CHD5: variants seen among roughly 807,000 people sequenced by gnomAD.
CHD5 encodes the protein chromodomain helicase DNA binding protein 5.
In CHD5, 69 loss-of-function variants were observed where a neutral mutation model predicts 230.3. That is an observed-to-expected ratio of 0.30 (90% confidence interval 0.25 to 0.37). CHD5 has a LOEUF of 0.37. Ranked by LOEUF, CHD5 falls within the 10% of genes least tolerant of loss-of-function variation. The pLI is 1.00. For synonymous variants in CHD5, 1,064 were observed against 1,065.9 expected, an observed-to-expected ratio of 1.00 and a Z score of 0.03; for missense variants, 1,827 against 2,622.8, an observed-to-expected ratio of 0.70 and a Z score of 6.63.
intron 17 of CHD5, among the ~76,000 whole-genome samples, chr1:6,136,287 T>C (rs961586534): frequency 2.6e-5 from 4 of 152,146 alleles, no homozygotes; most frequent in African/African-American, 9.7e-5. Flanking sequence ...GGAAAAGTCG[T>C]GGTATTAGCA....
rs1304929188 is a variant in CHD5, at chr1:6,104,650, T to C, written c.*824A>G. 2 of 120,866 alleles carry C rather than the reference T, an allele frequency of 1.7e-5. No individual in the cohort carries two copies. The highest frequency in any genetic ancestry group is 6.3e-5 in the African/African-American group (2 of 31,748). 7.5% of individuals were successfully genotyped at this position (120,866 alleles called of 1,614,324 possible). On this transcript the variant is annotated 3_prime_UTR_variant, in exon 42 of 42. Coordinates refer to ENST00000262450, the MANE Select transcript of CHD5 (RefSeq NM_015557.3). The stretch of plus-strand genomic sequence containing the variant: ...CCCCAGCCCACCCTCCCTGGGATCA[T>C]ACGCTTCTGCCTGCTGTGAAGAGCC...
chr1:6,133,407 G>C (rs576123330), intron 20 of CHD5, among the ~76,000 whole-genome samples: 1 of 152,226 alleles, frequency 6.6e-6, no homozygotes, highest in African/African-American at 2.4e-5. Flanking sequence ...TGCAGGCGGC[G>C]GACGCTGCTT....
chr1:6,170,149 G>A (rs1161999033), intron 1 of CHD5, among the ~76,000 whole-genome samples: 1 of 152,070 alleles, frequency 6.6e-6, no homozygotes, highest in Non-Finnish European at 1.5e-5. Flanking sequence ...CAGGCAGTCT[G>A]GTGACCCTGG....
intron 1 of CHD5, among the ~76,000 whole-genome samples, chr1:6,170,028 G>T (rs1037234323): frequency 6.6e-6 from 1 of 152,144 alleles, no homozygotes; most frequent in Admixed American, 6.5e-5. Flanking sequence ...ACCCAGGAAG[G>T]GGGCAGAGTG....
Position 6,131,323 on chromosome 1 carries a change from A to C in CHD5, c.3262+308T>G, listed in dbSNP as rs940598487. Among the ~76,000 whole-genome samples the C allele has an allele frequency of 2.0e-5, 3 of 151,974 alleles. No individual in the cohort carries two copies. Among genetic ancestry groups the C allele is most frequent in the African/African-American group, 7.2e-5 (3 of 41,382 alleles). On this transcript the variant is annotated intron_variant, in intron 21 of 41. Coordinates refer to ENST00000262450, the MANE Select transcript of CHD5 (RefSeq NM_015557.3). This position sits in a 1 kb window ranked among gnomAD's most constrained non-coding sequence, Gnocchi z 5.0. Reference sequence around the variant, plus strand: ...ATCTCTGTACCTTCTGCCACCATTCACCATACGGCAGGCTCTGTCCAACAC... The same window carrying C: ...ATCTCTGTACCTTCTGCCACCATTCCCCATACGGCAGGCTCTGTCCAACAC...
chr1:6,114,958 G>C (rs1666351848), intron 33 of CHD5, among the ~76,000 whole-genome samples: 1 of 151,454 alleles, frequency 6.6e-6, no homozygotes, highest in Non-Finnish European at 1.5e-5. Context: ...AGGCTACAGT[G>C]AGCCGAGATT....
Position 6,109,864 on chromosome 1 carries a change from C to T in CHD5, c.5509G>A (p.Glu1837Lys). 1 of 1,612,774 alleles carries T rather than the reference C, an allele frequency of 6.2e-7. No individual in the cohort carries two copies. ...TCCTTGGACAGGTGCTGGTGGCTCT[C>T]GGCGAGGCACTCCACTTCAGCCAGG... The part of the protein sequence containing the change: ...ARLAEVECLA[E>K]SHQHLSKESL... The change falls in exon 38 of 42, where the codon GAG (glutamate) becomes AAG (lysine). Residue 1837 changes from glutamate to lysine, a missense_variant. This residue lies in a region of CHD5 where 208 missense variants were observed against 302.0 expected (regional missense o/e 0.69). Coordinates refer to ENST00000262450, the MANE Select transcript of CHD5 (RefSeq NM_015557.3).
chr1:6,130,427 C>G lies in CHD5; in HGVS notation c.3263-99G>C. ...GAACAGAGAGAAGGAACTGCAGCAACAGATCCCTGGCAGAGAAGGACAAAG... is the reference window on the plus strand; with the variant it reads ...GAACAGAGAGAAGGAACTGCAGCAAGAGATCCCTGGCAGAGAAGGACAAAG... On this transcript the variant is annotated intron_variant, in intron 21 of 41. Transcript: ENST00000262450. This position sits in a 1 kb window ranked among gnomAD's most constrained non-coding sequence, Gnocchi z 4.9. 9.0e-7 allele frequency: 1 copy of G among 1,114,768 alleles called. No homozygotes were observed. Among genetic ancestry groups the G allele is most frequent in the South Asian group, 1.4e-5 (1 of 70,350 alleles). The allele number at this position is 1,114,768 out of a possible 1,614,324, so 69.1% of individuals were successfully genotyped here. A position where few individuals can be genotyped will look rare whatever the true frequency, so the allele number is the denominator to read the frequency against.
intron 38 of CHD5, among the ~76,000 whole-genome samples, chr1:6,108,402 G>C (rs1179818890): frequency 6.7e-6 from 1 of 148,534 alleles, no homozygotes; most frequent in Non-Finnish European, 1.5e-5. Context: ...AGGGATGGAC[G>C]GGTAGAGAGA....
intron 1 of CHD5, among the ~76,000 whole-genome samples, chr1:6,173,921 A>G (rs959339774): frequency 6.6e-6 from 1 of 152,192 alleles, no homozygotes; most frequent in Admixed American, 6.5e-5. Context: ...ACATTTAACA[A>G]AACCCAGACA....
Position 6,135,393 on chromosome 1 carries a change from C to T in CHD5, c.2707G>A (p.Gly903Ser). The change falls in exon 18 of 42, where the codon GGC becomes AGC. Residue 903 changes from glycine to serine, a missense_variant. Around this residue, in one of 14 missense-constraint regions of CHD5, gnomAD observed 52 missense variants for 164.5 expected, o/e 0.32. Coordinates refer to ENST00000262450, the MANE Select transcript of CHD5 (RefSeq NM_015557.3). ...ATGTCAGCAAACTCCTCCAGGAAGC[C>T]CTCCAGGTTGCTGCAACAAAAAGCT... ...LTPERFNNLE[G>S]FLEEFADISK... The T allele has an allele frequency of 6.2e-7, 1 of 1,604,678 alleles. No individual in the cohort carries two copies. The highest frequency in any genetic ancestry group is 8.5e-7 in the Non-Finnish European group (1 of 1,174,462).
chr1:6,151,178 G>A (rs1481958131), intron 6 of CHD5, 23 bp from the exon 7 acceptor site: 2 of 1,592,102 alleles, frequency 1.3e-6, no homozygotes, highest in Admixed American at 1.7e-5. Flanking sequence ...ACAGGGTCCT[G>A]TGATCCCAGG....
chr1:6,146,279 C>T lies in CHD5; in HGVS notation c.1735G>A (p.Glu579Lys), dbSNP rs1170581389. 2 of 1,614,090 alleles carry T rather than the reference C, an allele frequency of 1.2e-6. No individual in the cohort carries two copies. The highest frequency in any genetic ancestry group is 2.7e-5 in the African/African-American group (2 of 74,932). ...KNKDPLYAKM[E>K]ERFYRYGIKP... ...ATGCCATAGCGGTAGAAGCGCTCCTCCATCTTGGCATAGAGGGGGTCCTTG... is the reference window on the plus strand; with the variant it reads ...ATGCCATAGCGGTAGAAGCGCTCCTTCATCTTGGCATAGAGGGGGTCCTTG... The change falls in exon 11 of 42, where the codon GAG becomes AAG. Residue 579 changes from glutamate (E) to lysine (K), a missense_variant. Glu to Lys is a moderately conservative substitution (Grantham distance 56). Transcript: ENST00000262450. The surrounding 1 kb of genome is among the most constrained non-coding windows in gnomAD (Gnocchi z 5.1).
At chr1:6,147,843 AGAG>A (rs572451315) in intron 9 of CHD5, among the ~76,000 whole-genome samples, 3 of 151,974 alleles carry the variant, frequency 2.0e-5, no homozygotes. Context: ...GCCGAGAGGC[AGAG>A]GAGGAGGAGG....
At chr1:6,109,019 G>C (rs552865808) in intron 38 of CHD5, among the ~76,000 whole-genome samples, 2 of 152,094 alleles carry the variant, frequency 1.3e-5, no homozygotes, top group African/African-American at 4.8e-5. Flanking sequence ...GGGCACCAGG[G>C]GGTGCCCTGC....
chr1:6,107,630 G>A (rs1268319680), intron 38 of CHD5, among the ~76,000 whole-genome samples: 1 of 88,412 alleles, frequency 1.1e-5, no homozygotes, highest in Non-Finnish European at 2.3e-5. Flanking sequence ...GGGATGAAGC[G>A]ATGATGGAGG....
chr1:6,176,414 G>C (rs1051290167), intron 1 of CHD5, among the ~76,000 whole-genome samples: 2 of 152,192 alleles, frequency 1.3e-5, no homozygotes, highest in Admixed American at 6.5e-5. Flanking sequence ...TTGAGGAAAA[G>C]CTGGGCCAAT....
rs1278696521 is a variant in CHD5, at chr1:6,121,549, T to C, written c.4724A>G (p.Tyr1575Cys). 3 of 1,613,046 alleles carry C rather than the reference T, an allele frequency of 1.9e-6. No homozygotes were observed. Among genetic ancestry groups the C allele is most frequent in the South Asian group, 1.1e-5 (1 of 90,810 alleles). ...LPDKMEAQLG[Y>C]MDEKDPGAQK... is the part of the protein sequence containing the mutation. Reference sequence around the variant, plus strand: ...TGCCCCGGGGTCTTTCTCATCCATGTAGCCCAGCTGGGCTTCCATTTTGTC... The same window carrying C: ...TGCCCCGGGGTCTTTCTCATCCATGCAGCCCAGCTGGGCTTCCATTTTGTC... Residue 1575 changes from tyrosine (Y) to cysteine (C), a missense_variant, in exon 32 of 42, where the codon TAC becomes TGC. Around this residue, in one of 14 missense-constraint regions of CHD5, gnomAD observed 272 missense variants for 263.2 expected, o/e 1.03. Transcript: ENST00000262450. The surrounding 1 kb of genome is among the most constrained non-coding windows in gnomAD (Gnocchi z 4.5).
At chr1:6,141,761 C>T (rs115803894) in intron 15 of CHD5, among the ~76,000 whole-genome samples, 3,044 of 152,216 alleles carry the variant, frequency 0.02, 85 homozygotes, top group African/African-American at 0.069. Context: ...CAGAAACTGA[C>T]GCGACAGCTG....
Sources: allele counts gnomAD v4.1 joint callset (sites outside exome capture counted in the v4.1 genomes callset), GRCh38; gene constraint gnomAD v4.1.1; regional missense constraint gnomAD v4.1.1; non-coding constraint Gnocchi (gnomAD v3.1); transcripts MANE v1.5; gene names NCBI Gene and HGNC (gene_info 2026-07-23, HGNC 2026-07-21).